SLC11A2: variants seen among roughly 807,000 people sequenced by gnomAD.
SLC11A2 encodes the protein natural resistance-associated macrophage protein 2.
Under a neutral mutation model 68.0 loss-of-function variants are expected in SLC11A2, and 38 were observed. The observed-to-expected ratio is 0.56, with a 90% CI of 0.43 to 0.73. SLC11A2 has a LOEUF of 0.73. SLC11A2 is among the 30% of genes least tolerant of loss of function. The pLI is 0.00. For missense variants in SLC11A2, 517 were observed against 690.5 expected (o/e 0.75, Z 2.82); for synonymous variants, 242 against 250.6 (o/e 0.97, Z 0.32).
chr12:51,004,973 A>G, intron 4 of SLC11A2, 66 bp from the exon 5 acceptor site: 1 of 1,587,776 alleles, frequency 6.3e-7, no homozygotes, highest in Admixed American at 1.7e-5. Context: ...TTGTTTGTTT[A>G]GTTGTTTGGC....
chr12:50,960,937 T>G, the SLC11A2 span: 1 of 1,534,430 alleles, frequency 6.5e-7, no homozygotes, highest in Non-Finnish European at 8.8e-7. Flanking sequence ...GCCTCAGCCT[T>G]CCAAATAACC....
chr12:50,986,738 A>G lies in SLC11A2; in HGVS notation c.*1587T>C, dbSNP rs1258805738. 1 of 1,287,048 alleles carries G rather than the reference A, an allele frequency of 7.8e-7. No individual in the cohort carries two copies. Among genetic ancestry groups the G allele is most frequent in the Non-Finnish European group, 1.0e-6 (1 of 988,656 alleles). 79.7% of individuals were successfully genotyped at this position (1,287,048 alleles called of 1,614,324 possible). A position where few individuals can be genotyped will look rare whatever the true frequency, so the allele number is the denominator to read the frequency against. On this transcript the variant is annotated 3_prime_UTR_variant, in exon 16 of 16. Transcript: ENST00000262052. Reference sequence around the variant, plus strand: ...GGAATGGTTAGGGGAATTGTCATTCATAACTCTGTGCTATATTACTTGAGG... The same window carrying G: ...GGAATGGTTAGGGGAATTGTCATTCGTAACTCTGTGCTATATTACTTGAGG...
chr12:51,025,943 G>T, intron 1 of SLC11A2: 2 of 996,670 alleles, frequency 2.0e-6, no homozygotes, highest in East Asian at 2.3e-4. Context: ...TGTGCCCGTC[G>T]GCCTCTTTCG....
Position 51,000,510 on chromosome 12 carries a change from C to T in SLC11A2, c.430-91G>A, listed in dbSNP as rs912094074. 6.5e-6 allele frequency: 6 copies of T among 929,574 alleles called. No homozygotes were observed. In the Admixed American group the frequency reaches 7.8e-5, roughly 12 times the overall value. 57.6% of individuals were successfully genotyped at this position (929,574 alleles called of 1,614,324 possible). A position where few individuals can be genotyped will look rare whatever the true frequency, so the allele number is the denominator to read the frequency against. ...TGGAATTCACATTTTGGCACTAAAC[C>T]ATAAACAGTCCTTTATAAGCCTCCA... On this transcript the variant is annotated intron_variant, in intron 5 of 15. Coordinates refer to ENST00000262052, the MANE Select transcript of SLC11A2 (RefSeq NM_000617.3).
chr12:50,962,318 G>A, the SLC11A2 span, among the ~76,000 whole-genome samples: 44 of 151,800 alleles, frequency 2.9e-4, no homozygotes, highest in African/African-American at 1.0e-3. Flanking sequence ...GGCTGAGGCA[G>A]GAGAATCGCT....
chr12:51,005,756 G>A, intron 3 of SLC11A2: 1 of 1,213,052 alleles, frequency 8.2e-7, no homozygotes, highest in South Asian at 1.3e-5. Context: ...TTTTAAAAAG[G>A]AAACAAGCCA....
chr12:51,028,322 G>A (rs1944467757), upstream of SLC11A2: 2 of 870,220 alleles, frequency 2.3e-6, no homozygotes, highest in Non-Finnish European at 3.6e-6. Flanking sequence ...ACTTTTGGGT[G>A]CTCTAAGCAA....
At chr12:51,000,588 T>TCCA in intron 5 of SLC11A2, 169 bp from the exon 6 acceptor site, 5 of 648,836 alleles carry the variant, frequency 7.7e-6, no homozygotes, top group Admixed American at 4.7e-5. Flanking sequence ...CACTGCACTG[T>TCCA]GGCTCTCACC....
chr12:50,964,575 T>C, the SLC11A2 span, among the ~76,000 whole-genome samples: 2 of 152,188 alleles, frequency 1.3e-5, no homozygotes, highest in East Asian at 3.8e-4. Context: ...GACTAGATTA[T>C]GACATACGGC....
At chr12:51,001,585 C>CAAA (rs57569917) in intron 5 of SLC11A2, among the ~76,000 whole-genome samples, 14 of 109,136 alleles carry the variant, frequency 1.3e-4, no homozygotes, top group South Asian at 2.6e-4. Context: ...CTTGCTTTCA[C>CAAA]AAAAAAAAAA....
chr12:50,990,972 A>G (rs1429665166), intron 14 of SLC11A2, 24 bp from the exon 15 acceptor site: 1 of 1,612,286 alleles, frequency 6.2e-7, no homozygotes, highest in African/African-American at 1.3e-5. Context: ...CAGCACAGTC[A>G]CTGATGGAAT....
At chr12:50,972,668 G>A in the SLC11A2 span, among the ~76,000 whole-genome samples, 19 of 152,356 alleles carry the variant, frequency 1.2e-4, no homozygotes, top group African/African-American at 4.1e-4. Flanking sequence ...GCAGAGCACC[G>A]AGCATGAGCC....
chr12:51,025,746 A>C, intron 1 of SLC11A2: 3 of 985,584 alleles, frequency 3.0e-6, no homozygotes, highest in Non-Finnish European at 3.6e-6. Context: ...TGAGAGCTAC[A>C]CAAACAGCCT....
In SLC11A2 at chr12:50,988,179, C is replaced by T. The variant is rs1940786477; in HGVS notation, c.*146G>A. 6.5e-7 allele frequency: 1 copy of T among 1,540,316 alleles called. No homozygotes were observed. The highest frequency in any genetic ancestry group is 8.7e-7 in the Non-Finnish European group (1 of 1,144,238). ...AAAAAATAATTCCATCTTTCAAATACACATGAAACAAAGTCTTTTCCAACC... is the reference window on the plus strand; with the variant it reads ...AAAAAATAATTCCATCTTTCAAATATACATGAAACAAAGTCTTTTCCAACC... On this transcript the variant is annotated 3_prime_UTR_variant, in exon 16 of 16. Coordinates refer to ENST00000262052, the MANE Select transcript of SLC11A2 (RefSeq NM_000617.3).
At chr12:51,027,915 AGTGG>A (rs66755403), upstream of SLC11A2, among the ~76,000 whole-genome samples, 30,934 of 136,412 alleles carry the variant, frequency 0.23, 3,758 homozygotes, top group East Asian at 0.39. Flanking sequence ...ACCAAAAAAA[AGTGG>A]GGGGGGGGGG....
chr12:50,995,464 C>T (rs1941614786), intron 10 of SLC11A2, among the ~76,000 whole-genome samples, 165 bp downstream of exon 10: 1 of 152,210 alleles, frequency 6.6e-6, no homozygotes, highest in Non-Finnish European at 1.5e-5. Context: ...CAGCCCCATA[C>T]TGTAGACTCT....
chr12:51,020,219 G>A (rs965987912), intron 1 of SLC11A2, among the ~76,000 whole-genome samples: 1 of 148,142 alleles, frequency 6.8e-6, no homozygotes, highest in South Asian at 2.1e-4. Context: ...TACCACCACA[G>A]CTGGCTTTTT....
At chr12:50,979,731 A>G (rs1433425604), downstream of SLC11A2, 1 of 397,032 alleles carries the variant, frequency 2.5e-6, no homozygotes, top group South Asian at 1.8e-5. Flanking sequence ...GTGTCATTTT[A>G]GAAAAATCCC....
chr12:50,982,835 C>T (rs1185536121), downstream of SLC11A2, among the ~76,000 whole-genome samples: 1 of 146,062 alleles, frequency 6.8e-6, no homozygotes, highest in Non-Finnish European at 1.5e-5. Flanking sequence ...CAGCTACTCA[C>T]GAGGCTGAGG....
Sources: gnomAD v4.1 joint callset for allele counts (sites outside exome capture counted in the v4.1 genomes callset) on GRCh38, gnomAD v4.1.1 for gene constraint, MANE v1.5 for transcripts, NCBI Gene and HGNC (gene_info 2026-07-23, HGNC 2026-07-21) for gene names.